The following RNF38 variants were observed in gnomAD, a reference collection of about 807,000 sequenced individuals.
RNF38 encodes the protein ring finger protein 38, also known as E3 ubiquitin-protein ligase RNF38.
A neutral mutation model predicts 67.2 loss-of-function variants in RNF38; 15 were observed. The ratio of observed to expected loss-of-function variants is 0.22; its 90% CI spans 0.15 to 0.34. RNF38 has a LOEUF of 0.34. Ranked by LOEUF, RNF38 falls within the 10% of genes least tolerant of loss-of-function variation. RNF38 has a pLI of 1.00. For synonymous variants in RNF38, 220 were observed against 218.8 expected (o/e 1.01, Z -0.05); for missense variants, 524 against 639.9 (o/e 0.82, Z 1.95).
Position 36,400,181 on chromosome 9 carries a change from C to T in RNF38, c.-73G>A. ...AAACACTCCCGTTTCAAAAACCAACCTCTCTCACGCTTCAACCCTGAAAGG... is the reference window on the plus strand; with the variant it reads ...AAACACTCCCGTTTCAAAAACCAACTTCTCTCACGCTTCAACCCTGAAAGG... On this transcript the variant is annotated 5_prime_UTR_variant, in exon 1 of 12. Coordinates refer to ENST00000259605, the MANE Select transcript of RNF38 (RefSeq NM_022781.5). 1 of 1,588,462 alleles carries T rather than the reference C, an allele frequency of 6.3e-7. No homozygotes were observed. Among genetic ancestry groups the T allele is most frequent in the South Asian group, 1.1e-5 (1 of 88,480 alleles).
chr9:36,346,152 A>C (rs1478708964), intron 9 of RNF38, among the ~76,000 whole-genome samples: 6 of 152,218 alleles, frequency 3.9e-5, no homozygotes, highest in Non-Finnish European at 5.9e-5. Flanking sequence ...TTTATGAAGT[A>C]TCCACCATCA....
chr9:36,349,376 G>A (rs369904970), intron 9 of RNF38, among the ~76,000 whole-genome samples: 94 of 152,268 alleles, frequency 6.2e-4, no homozygotes, highest in African/African-American at 2.1e-3. Flanking sequence ...TTCCCTGATT[G>A]CAATGTTGAG....
intron 1 of RNF38, among the ~76,000 whole-genome samples, chr9:36,396,060 G>C (rs1837487175): frequency 1.3e-5 from 2 of 152,204 alleles, no homozygotes; most frequent in South Asian, 4.1e-4. Flanking sequence ...GGTGACTTGA[G>C]CATACACTCA....
At chr9:36,396,422 T>TC (rs1203341056) in intron 1 of RNF38, among the ~76,000 whole-genome samples, 5 of 152,152 alleles carry the variant, frequency 3.3e-5, no homozygotes, top group African/African-American at 9.7e-5. Flanking sequence ...TTTTTTTTTT[T>TC]CCCTGTTCTG....
rs75633501 is a variant in RNF38, at chr9:36,354,502, A to C, written c.910-1171T>G. Among the ~76,000 whole-genome samples the C allele has an allele frequency of 7.5e-3, 1,136 of 152,342 alleles. 21 individuals are homozygous for C. Among genetic ancestry groups the C allele is most frequent in the African/African-American group, 0.026 (1,087 of 41,574 alleles). On this transcript the variant is annotated intron_variant, in intron 6 of 11. Coordinates refer to ENST00000259605, the MANE Select transcript of RNF38 (RefSeq NM_022781.5). ...TTTACTTATTCTACACGTTTCATGT[A>C]AATGGAACCAGTTCATTTAAATAAG...
chr9:36,424,582 TC>T, intron 2 of RNF38: 2 of 956,294 alleles, frequency 2.1e-6, no homozygotes, highest in Non-Finnish European at 1.2e-6. Context: ...GCATGCATTT[TC>T]CCCATGGCAG....
chr9:36,370,091 A>G (rs1158266335), intron 3 of RNF38, among the ~76,000 whole-genome samples, 159 bp from the exon 4 acceptor site: 2 of 152,230 alleles, frequency 1.3e-5, no homozygotes, highest in African/African-American at 2.4e-5. Flanking sequence ...TTACAAATTT[A>G]AATACAAGGT....
intron 9 of RNF38, among the ~76,000 whole-genome samples, chr9:36,345,499 T>C (rs760461783): frequency 6.6e-6 from 1 of 152,184 alleles, no homozygotes; most frequent in Non-Finnish European, 1.5e-5. Context: ...CTACTCTCAG[T>C]GCCAGTTAAC....
intron 5 of RNF38, among the ~76,000 whole-genome samples, chr9:36,356,765 A>T: frequency 6.6e-6 from 1 of 151,242 alleles, no homozygotes; most frequent in Non-Finnish European, 1.5e-5. Flanking sequence ...GCGGGGGGGA[A>T]GTGCTGCAAA....
intron 1 of RNF38, among the ~76,000 whole-genome samples, chr9:36,482,066 T>TTTC (rs1840282939): frequency 7.1e-6 from 1 of 140,264 alleles, no homozygotes; most frequent in Non-Finnish European, 1.6e-5. Context: ...TTTTTTTTTT[T>TTTC]TTTTGAGACG....
chr9:36,467,261 A>G (rs1461884253), intron 1 of RNF38, among the ~76,000 whole-genome samples: 1 of 63,348 alleles, frequency 1.6e-5, no homozygotes, highest in Non-Finnish European at 4.2e-5. Context: ...ACACACACAT[A>G]TACACACACA....
rs144549185 is a variant in RNF38 at position 36,338,760 on chromosome 9, T to TAA, written c.*990_*991dup. On this transcript the variant is annotated 3_prime_UTR_variant, in exon 12 of 12. Transcript: ENST00000259605. Reference sequence around the variant, plus strand: ...TAGACTAGACTACAAATCTAAACATTAAAAAAAATCACAGGTACTTTCTGT... The same window carrying TAA: ...TAGACTAGACTACAAATCTAAACATTAAAAAAAAAATCACAGGTACTTTCTGT... The TAA allele has an allele frequency of 4.1e-3, 626 of 152,066 alleles. 1 individual carries two copies. The highest frequency in any genetic ancestry group is 7.8e-3 in the Non-Finnish European group (531 of 67,904). The allele number at this position is 152,066 out of a possible 1,614,324, so 9.4% of individuals were successfully genotyped here.
intron 1 of RNF38, among the ~76,000 whole-genome samples, chr9:36,469,834 C>T (rs1051979571): frequency 3.9e-5 from 6 of 151,900 alleles, no homozygotes; most frequent in Non-Finnish European, 8.8e-5. Flanking sequence ...AAAAATTAGC[C>T]GGGAGTAGTG....
At chr9:36,464,344 G>A (rs1839809974) in intron 1 of RNF38, among the ~76,000 whole-genome samples, 1 of 151,986 alleles carries the variant, frequency 6.6e-6, no homozygotes, top group Non-Finnish European at 1.5e-5. Flanking sequence ...CAAGGCAGGC[G>A]GATCACAAGG....
At chr9:36,383,450 A>G (rs1587567718) in intron 2 of RNF38, among the ~76,000 whole-genome samples, 1 of 152,176 alleles carries the variant, frequency 6.6e-6, no homozygotes, top group Non-Finnish European at 1.5e-5. Flanking sequence ...TCAGCCTCCC[A>G]AAGTGCTGGG....
intron 6 of RNF38, among the ~76,000 whole-genome samples, chr9:36,354,984 A>G (rs1370413891): frequency 6.6e-6 from 1 of 152,220 alleles, no homozygotes; most frequent in African/African-American, 2.4e-5. Context: ...CCAAATTTAG[A>G]TACAAGTGAT....
intron 2 of RNF38, among the ~76,000 whole-genome samples, chr9:36,411,460 G>A (rs1227833130): frequency 1.3e-5 from 2 of 152,194 alleles, no homozygotes; most frequent in East Asian, 1.9e-4. Context: ...AGAGATACTT[G>A]TCCACCCGTG....
chr9:36,398,174 CAGTCT>C (rs1837687841), intron 1 of RNF38, among the ~76,000 whole-genome samples: 1 of 152,162 alleles, frequency 6.6e-6, no homozygotes, highest in Non-Finnish European at 1.5e-5. Flanking sequence ...TAAAGCAACT[CAGTCT>C]AGTGAGGGAC....
intron 2 of RNF38, among the ~76,000 whole-genome samples, chr9:36,385,006 G>A (rs1327696370): frequency 6.6e-6 from 1 of 152,202 alleles, no homozygotes; most frequent in Non-Finnish European, 1.5e-5. Context: ...TCATCGAGCT[G>A]ATCCTCTTAC....
Sources: gnomAD v4.1 joint callset for allele counts (sites outside exome capture counted in the v4.1 genomes callset) on GRCh38, gnomAD v4.1.1 for gene constraint, MANE v1.5 for transcripts, NCBI Gene and HGNC (gene_info 2026-07-23, HGNC 2026-07-21) for gene names.